Variants in RSAD2 observed in about 807,000 individuals in gnomAD.
RSAD2 encodes S-adenosylmethionine-dependent nucleotide dehydratase RSAD2.
RSAD2 carries 38 observed loss-of-function variants against 37.7 expected under a neutral mutation model. The ratio of observed to expected loss-of-function variants is 1.01; its 90% CI spans 0.78 to 1.32. The LOEUF (loss-of-function observed/expected upper bound fraction) is 1.32. RSAD2 is among the 40% of genes most tolerant of loss of function. RSAD2 has a pLI of 0.00. For synonymous variants in RSAD2, 163 were observed against 157.4 expected, an observed-to-expected ratio of 1.04 and a Z score of -0.27; for missense variants, 428 against 437.5, an observed-to-expected ratio of 0.98 and a Z score of 0.19.
At chr2:6,873,522 G>A (rs150168527), upstream of RSAD2, among the ~76,000 whole-genome samples, 79 of 152,250 alleles carry the variant, frequency 5.2e-4, 2 homozygotes, top group East Asian at 0.014. Context: ...AAGAGTCTGT[G>A]TTTTGCTGAG....
rs571549972 is a variant in RSAD2, at chr2:6,880,373, T to C, written c.346+2227T>C. On this transcript the variant is annotated intron_variant, in intron 1 of 5. Transcript: ENST00000382040. ...AAGGATTTGGCGTGGGAGGGTTTAT[T>C]AGAGACTTGGACTGCTTCTGTTTCT... Among the ~76,000 whole-genome samples, 28 of 152,316 alleles carry C rather than the reference T, an allele frequency of 1.8e-4. No homozygotes were observed. In the South Asian group the frequency reaches 5.6e-3, roughly 30 times the overall value.
At chr2:6,893,117 T>G (rs889770035) in intron 4 of RSAD2, among the ~76,000 whole-genome samples, 82 of 152,214 alleles carry the variant, frequency 5.4e-4, no homozygotes, top group African/African-American at 2.0e-3. Context: ...TACAGACCCC[T>G]ATCTACAAGA....
rs770386870 is a variant in RSAD2, at chr2:6,897,293, T to C, written c.*1351T>C. 1 of 152,246 alleles carries C rather than the reference T, an allele frequency of 6.6e-6. No individual in the cohort carries two copies. Among genetic ancestry groups the C allele is most frequent in the Non-Finnish European group, 1.5e-5 (1 of 68,046 alleles). The allele number at this position is 152,246 out of a possible 1,614,324, so 9.4% of individuals were successfully genotyped here. On this transcript the variant is annotated 3_prime_UTR_variant, in exon 6 of 6. Transcript: ENST00000382040. ...AAGCAAAATCATGGAAAATTTTTGT[T>C]GTCCAGGCAAATAAAAGGTCATTTT...
chr2:6,890,288 A>G lies in RSAD2; in HGVS notation c.851A>G (p.Lys284Arg). ...TTTGAAAGATTCTTGGAGCGCCACA[A>G]AGAAGTGTCCTGCTTGGTGCCTGAA... ...EEFERFLERH[K>R]EVSCLVPESN... Residue 284 changes from lysine (K) to arginine (R), a missense_variant, in exon 4 of 6, where the codon AAA (lysine) becomes AGA (arginine). Lys to Arg is a conservative substitution (Grantham distance 26). Coordinates refer to ENST00000382040, the MANE Select transcript of RSAD2 (RefSeq NM_080657.5). 3.1e-6 allele frequency: 5 copies of G among 1,614,262 alleles called. No homozygotes were observed. In the Middle Eastern group the frequency reaches 4.9e-4, roughly 160 times the overall value.
intron 1 of RSAD2, chr2:6,866,297 G>T: frequency 2.6e-6 from 1 of 378,192 alleles, no homozygotes; most frequent in East Asian, 1.6e-4. Context: ...ACGCGTCCCC[G>T]CCCCTCTAAT....
At chr2:6,893,610 T>C (rs1480638108) in intron 4 of RSAD2, 61 bp from the exon 5 acceptor site, 4 of 1,309,654 alleles carry the variant, frequency 3.1e-6, no homozygotes, top group Admixed American at 1.7e-5. Flanking sequence ...AGGTGGACAA[T>C]TGAGCTCACA....
At chr2:6,865,896 G>T (rs1320729872) in exon 1 of RSAD2, 5 of 1,408,790 alleles carry the variant, frequency 3.5e-6, no homozygotes, top group Admixed American at 2.8e-5. Flanking sequence ...TCTCCTCCTC[G>T]CCGCGAGATG....
At chr2:6,890,083 C>T (rs1663599842) in intron 3 of RSAD2, 93 bp from the exon 4 acceptor site, 3 of 1,233,050 alleles carry the variant, frequency 2.4e-6, no homozygotes, top group African/African-American at 1.5e-5. Context: ...TCTCTTTGCT[C>T]AGAAGAGATG....
chr2:6,890,176 G>A lies in RSAD2; in HGVS notation c.739G>A (p.Val247Met). Residue 247 changes from valine (V) to methionine (M), a missense_variant and splice_region_variant, in exon 4 of 6, where the codon GTG (valine) becomes ATG (methionine). Coordinates refer to ENST00000382040, the MANE Select transcript of RSAD2 (RefSeq NM_080657.5). ...AGCAAACACTACCATTGCCTTTCAG[G>A]TGTTCCAGTGCCTCTTAATTGAGGG... is the stretch of plus-strand genomic sequence containing the variant. ...IKALNPVRWKVFQCLLIEGEN... is the reference protein window; with the variant it reads ...IKALNPVRWKMFQCLLIEGEN... 1 of 1,614,012 alleles carries A rather than the reference G, an allele frequency of 6.2e-7. No individual in the cohort carries two copies. The highest frequency in any genetic ancestry group is 8.5e-7 in the Non-Finnish European group (1 of 1,179,918).
upstream of RSAD2, among the ~76,000 whole-genome samples, chr2:6,875,765 A>G (rs1371962063): frequency 6.6e-6 from 1 of 152,236 alleles, no homozygotes; most frequent in Non-Finnish European, 1.5e-5. Context: ...TCTAACAGCT[A>G]TAATCCAACA....
In RSAD2 at chr2:6,896,632, C is replaced by T. The variant is rs1663781833; in HGVS notation, c.*690C>T. ...TTCCAAGAACATATGATATGATAAT[C>T]CTACCAATTTTCAAGAAGTCTCTAG... On this transcript the variant is annotated 3_prime_UTR_variant, in exon 6 of 6. Coordinates refer to ENST00000382040, the MANE Select transcript of RSAD2 (RefSeq NM_080657.5). 1 of 151,246 alleles carries T rather than the reference C, an allele frequency of 6.6e-6. No homozygotes were observed. The highest frequency in any genetic ancestry group is 2.4e-5 in the African/African-American group (1 of 41,096). The allele number at this position is 151,246 out of a possible 1,614,324, so 9.4% of individuals were successfully genotyped here. A position where few individuals can be genotyped will look rare whatever the true frequency, so the allele number is the denominator to read the frequency against.
In RSAD2 at chr2:6,895,783, C is replaced by T. The variant is rs774499212; in HGVS notation, c.927C>T (p.Arg309=). 1.2e-6 allele frequency: 2 copies of T among 1,612,482 alleles called. No individual in the cohort carries two copies. The highest frequency in any genetic ancestry group is 1.7e-6 in the Non-Finnish European group (2 of 1,179,154). The change falls in exon 6 of 6, where the codon CGC becomes CGT. Residue 309 remains arginine (R), a synonymous_variant. Transcript: ENST00000382040. ...TTCTGTTATGAATTTTCTAGATGCG[C>T]TTTCTGAACTGTAGAAAGGGACGGA... ...DSYLILDEYM[R]FLNCRKGRKD...
chr2:6,874,760 T>G (rs1663255352), upstream of RSAD2, among the ~76,000 whole-genome samples: 1 of 152,232 alleles, frequency 6.6e-6, no homozygotes, highest in African/African-American at 2.4e-5. Context: ...AAGTATACTT[T>G]TATGAACAAA....
chr2:6,880,221 G>C (rs996208837), intron 1 of RSAD2, among the ~76,000 whole-genome samples: 3 of 152,132 alleles, frequency 2.0e-5, no homozygotes, highest in Non-Finnish European at 4.4e-5. Flanking sequence ...AAGAATTAAA[G>C]AAAGAGGAAA....
intron 4 of RSAD2, among the ~76,000 whole-genome samples, chr2:6,893,218 G>A (rs1663666100): frequency 6.9e-6 from 1 of 145,644 alleles, no homozygotes; most frequent in Non-Finnish European, 1.5e-5. Flanking sequence ...GTAATGTTAG[G>A]GTAATAATAA....
At chr2:6,866,178 G>A in intron 1 of RSAD2, 1 of 186,038 alleles carries the variant, frequency 5.4e-6, no homozygotes, top group South Asian at 8.0e-5. Flanking sequence ...CCTTCCCGGT[G>A]TAACGGGCTC....
intron 3 of RSAD2, among the ~76,000 whole-genome samples, chr2:6,888,126 C>CA (rs1256646128): frequency 1.3e-5 from 2 of 152,064 alleles, no homozygotes; most frequent in Non-Finnish European, 2.9e-5. Context: ...TTTGCCTGCA[C>CA]AAAAAACAGC....
chr2:6,898,065 T>C lies in RSAD2; in HGVS notation c.*2123T>C, dbSNP rs1449794355. 1 of 151,146 alleles carries C rather than the reference T, an allele frequency of 6.6e-6. No homozygotes were observed. The highest frequency in any genetic ancestry group is 2.5e-5 in the African/African-American group (1 of 40,802). The allele number at this position is 151,146 out of a possible 1,614,324, so 9.4% of individuals were successfully genotyped here. On this transcript the variant is annotated 3_prime_UTR_variant, in exon 6 of 6. Coordinates refer to ENST00000382040, the MANE Select transcript of RSAD2 (RefSeq NM_080657.5). ...CACATATGTGAAAGCCCAAGGACACTGTTTGATATACAGCAGGTATTCAAT... is the reference window on the plus strand; with the variant it reads ...CACATATGTGAAAGCCCAAGGACACCGTTTGATATACAGCAGGTATTCAAT...
At chr2:6,885,169 C>G (rs1311255356) in intron 2 of RSAD2, among the ~76,000 whole-genome samples, 1 of 152,164 alleles carries the variant, frequency 6.6e-6, no homozygotes, top group African/African-American at 2.4e-5. Context: ...CACCAGAGTC[C>G]AGAGAGTCCA....
Sources: gnomAD v4.1 joint callset for allele counts (sites outside exome capture counted in the v4.1 genomes callset) on GRCh38, gnomAD v4.1.1 for gene constraint, MANE v1.5 for transcripts, NCBI Gene and HGNC (gene_info 2026-07-23, HGNC 2026-07-21) for gene names.